Variants in ADCY2 observed in about 807,000 individuals in gnomAD.
ADCY2 encodes adenylate cyclase 2, also known as adenylate cyclase type 2.
Under a neutral mutation model 125.2 loss-of-function variants are expected in ADCY2, and 31 were observed. The observed-to-expected ratio is 0.25, with a 90% CI of 0.19 to 0.33. The LOEUF is 0.33. Ranked by LOEUF, ADCY2 falls within the 10% of genes least tolerant of loss-of-function variation. The pLI is 1.00. For missense variants in ADCY2, 904 were observed against 1,418.2 expected (o/e 0.64, Z 5.82); for synonymous variants, 512 against 548.4 (o/e 0.93, Z 0.93).
intron 15 of ADCY2, among the ~76,000 whole-genome samples, chr5:7,754,914 G>T (rs1742941459): frequency 6.6e-6 from 1 of 151,968 alleles, no homozygotes; most frequent in Non-Finnish European, 1.5e-5. Flanking sequence ...CTTCTTCTAC[G>T]GAACACAGAT....
intron 3 of ADCY2, among the ~76,000 whole-genome samples, chr5:7,582,589 C>T (rs1736471449): frequency 6.6e-6 from 1 of 152,002 alleles, no homozygotes; most frequent in South Asian, 2.1e-4. Context: ...TTAAGTTTAT[C>T]CTAAGAATAG....
intron 1 of ADCY2, among the ~76,000 whole-genome samples, chr5:7,398,350 A>G (rs1230785726): frequency 3.3e-5 from 5 of 152,196 alleles, no homozygotes; most frequent in Non-Finnish European, 7.3e-5. Flanking sequence ...TTGGGCTTAA[A>G]GCACCCTTCT....
intron 4 of ADCY2, among the ~76,000 whole-genome samples, chr5:7,681,795 G>C (rs145367835): frequency 6.6e-6 from 1 of 152,054 alleles, no homozygotes; most frequent in Non-Finnish European, 1.5e-5. Context: ...TAAAAAAAGG[G>C]GGGCCATTGT....
Position 7,706,857 on chromosome 5 carries a change from A to G in ADCY2, c.1223A>G (p.His408Arg). 1.2e-6 allele frequency: 2 copies of G among 1,614,244 alleles called. No homozygotes were observed. Among genetic ancestry groups the G allele is most frequent in the Non-Finnish European group, 1.7e-6 (2 of 1,180,036 alleles). ...LQKWQYDVWSHDVTLANHMEA... is the reference protein window; with the variant it reads ...LQKWQYDVWSRDVTLANHMEA... ...AAGTGGCAATATGATGTGTGGTCAC[A>G]TGATGTGACCTTGGCCAACCACATG... Residue 408 changes from histidine to arginine, a missense_variant, in exon 8 of 25, where the codon CAT becomes CGT. By Grantham distance (29) the His-to-Arg change is conservative (BLOSUM62 0). Around this residue, in one of 7 missense-constraint regions of ADCY2, gnomAD observed 7 missense variants for 45.2 expected, o/e 0.15. Coordinates refer to ENST00000338316, the MANE Select transcript of ADCY2 (RefSeq NM_020546.3).
chr5:7,602,242 G>A (rs1737237880), intron 3 of ADCY2, among the ~76,000 whole-genome samples: 2 of 152,208 alleles, frequency 1.3e-5, no homozygotes, highest in Admixed American at 1.3e-4. Flanking sequence ...TGGAAGAAGG[G>A]AGTCACCATT....
intron 12 of ADCY2, among the ~76,000 whole-genome samples, chr5:7,724,241 A>C (rs528605536): frequency 6.6e-6 from 1 of 151,980 alleles, no homozygotes; most frequent in East Asian, 1.9e-4. Flanking sequence ...CCTTTAGACG[A>C]CTTATCTCCC....
chr5:7,761,468 T>A (rs147054556), intron 16 of ADCY2, among the ~76,000 whole-genome samples: 3 of 152,128 alleles, frequency 2.0e-5, no homozygotes, highest in African/African-American at 7.2e-5. Flanking sequence ...TATCTAATCA[T>A]CCATCAATAG....
chr5:7,684,285 T>A (rs958156238), intron 4 of ADCY2, among the ~76,000 whole-genome samples: 1 of 152,230 alleles, frequency 6.6e-6, no homozygotes, highest in South Asian at 2.1e-4. Context: ...AGGGCTGACT[T>A]GGGTGCTGGT....
chr5:7,629,691 T>A (rs765199339), intron 4 of ADCY2, among the ~76,000 whole-genome samples: 18 of 152,234 alleles, frequency 1.2e-4, no homozygotes, highest in Non-Finnish European at 2.5e-4. Context: ...TTGACTTTTG[T>A]CTTAAGTTTC....
intron 10 of ADCY2, among the ~76,000 whole-genome samples, chr5:7,712,301 T>C (rs1741465157): frequency 6.6e-6 from 1 of 152,070 alleles, no homozygotes; most frequent in Non-Finnish European, 1.5e-5. Context: ...ATAAATTCTG[T>C]CTCTCTTCCA....
chr5:7,431,958 T>C (rs995061507), intron 2 of ADCY2, among the ~76,000 whole-genome samples: 2 of 152,058 alleles, frequency 1.3e-5, no homozygotes, highest in Non-Finnish European at 1.5e-5. Context: ...CGCTGGAGTG[T>C]TGCCTTTTCC....
Position 7,607,444 on chromosome 5 carries a change from A to G in ADCY2, c.571-18723A>G, listed in dbSNP as rs76563635. On this transcript the variant is annotated intron_variant, in intron 3 of 24. Transcript: ENST00000338316. ...GGAGATTTATGTTTTAAAAAGTAAT[A>G]ACCCACTGACACTCCGGAGTGGGCT... Among the ~76,000 whole-genome samples, 243 of 152,310 alleles carry G rather than the reference A, an allele frequency of 1.6e-3. 1 individual carries two copies. Among genetic ancestry groups the G allele is most frequent in the African/African-American group, 4.6e-3 (190 of 41,566 alleles).
Position 7,802,392 on chromosome 5 carries a change from G to A in ADCY2, c.2775+28G>A, listed in dbSNP as rs749750738. ...AGGTACTGAGAGTTGCCCTCGAAGG[G>A]CAGCAGTACACTCAGTCTCACACCT... On this transcript the variant is annotated intron_variant, in intron 21 of 24. Coordinates refer to ENST00000338316, the MANE Select transcript of ADCY2 (RefSeq NM_020546.3). This position sits in a 1 kb window ranked among gnomAD's most constrained non-coding sequence, Gnocchi z 4.6. The A allele has an allele frequency of 3.1e-6, 5 of 1,610,214 alleles. No individual in the cohort carries two copies. The highest frequency in any genetic ancestry group is 3.4e-6 in the Non-Finnish European group (4 of 1,177,752).
intron 3 of ADCY2, among the ~76,000 whole-genome samples, chr5:7,521,409 TAATA>T (rs763271033): frequency 6.6e-6 from 1 of 152,226 alleles, no homozygotes; most frequent in East Asian, 1.9e-4. Flanking sequence ...TTTTCCTTAC[TAATA>T]AATAGCATTT....
At chr5:7,665,393 T>C (rs1739678816) in intron 4 of ADCY2, among the ~76,000 whole-genome samples, 1 of 151,950 alleles carries the variant, frequency 6.6e-6, no homozygotes, top group South Asian at 2.1e-4. Flanking sequence ...AACTCAGCAG[T>C]GTAATTTGTC....
At chr5:7,399,922 A>T (rs2111434933) in intron 1 of ADCY2, among the ~76,000 whole-genome samples, 1 of 151,776 alleles carries the variant, frequency 6.6e-6, no homozygotes, top group Non-Finnish European at 1.5e-5. Flanking sequence ...TTGGTTTTTA[A>T]TTTTTTTCTT....
In ADCY2 at chr5:7,453,001, C is replaced by T. The variant is rs147034280; in HGVS notation, c.408+38231C>T. Among the ~76,000 whole-genome samples, 1,242 of 152,138 alleles carry T rather than the reference C, an allele frequency of 8.2e-3. 12 individuals carry two copies. Among genetic ancestry groups the T allele is most frequent in the Middle Eastern group, 0.02 (6 of 294 alleles). ...TTCCTTGTAGATTCTGGATACTAGTCCTTTGTTGGATGCAGAGTTTGCAAA... is the reference window on the plus strand; with the variant it reads ...TTCCTTGTAGATTCTGGATACTAGTTCTTTGTTGGATGCAGAGTTTGCAAA... On this transcript the variant is annotated intron_variant, in intron 2 of 24. Transcript: ENST00000338316.
At chr5:7,580,194 G>T (rs1373008963) in intron 3 of ADCY2, among the ~76,000 whole-genome samples, 1 of 152,042 alleles carries the variant, frequency 6.6e-6, no homozygotes, top group Non-Finnish European at 1.5e-5. Context: ...CCAAACCTCA[G>T]CATCTTGGAA....
chr5:7,413,160 T>C (rs1051019294), intron 1 of ADCY2, among the ~76,000 whole-genome samples: 4 of 152,220 alleles, frequency 2.6e-5, no homozygotes, highest in African/African-American at 9.6e-5. Flanking sequence ...GGTATTTGCA[T>C]GGAGCCATTT....
Sources: allele counts gnomAD v4.1 joint callset (sites outside exome capture counted in the v4.1 genomes callset), GRCh38; gene constraint gnomAD v4.1.1; regional missense constraint gnomAD v4.1.1; non-coding constraint Gnocchi (gnomAD v3.1); transcripts MANE v1.5; gene names NCBI Gene and HGNC (gene_info 2026-07-23, HGNC 2026-07-21).